The following CIBAR1 variants were observed in gnomAD, a reference collection of about 807,000 sequenced individuals.
CIBAR1 encodes CBY1-interacting BAR domain-containing protein 1.
In CIBAR1, 25 loss-of-function variants were observed where a neutral mutation model predicts 44.0. The ratio of observed to expected loss-of-function variants is 0.57; its 90% confidence interval spans 0.41 to 0.79. CIBAR1 has a LOEUF of 0.79. CIBAR1 is among the 30% of genes least tolerant of loss of function. The pLI, the probability that CIBAR1 is intolerant of heterozygous loss-of-function variation, is 0.00. For missense variants in CIBAR1, 278 were observed against 344.8 expected, an observed-to-expected ratio of 0.81 and a Z score of 1.53; for synonymous variants, 115 against 119.0, an observed-to-expected ratio of 0.97 and a Z score of 0.22.
intron 7 of CIBAR1, among the ~76,000 whole-genome samples, chr8:93,720,547 T>G (rs1811223803): frequency 6.6e-6 from 1 of 152,142 alleles, no homozygotes; most frequent in Non-Finnish European, 1.5e-5. Context: ...TTTCTTAACT[T>G]TCACTCCTTT....
intron 7 of CIBAR1, chr8:93,720,908 T>A (rs956224875): frequency 3.9e-5 from 6 of 152,328 alleles, no homozygotes; most frequent in African/African-American, 1.4e-4. Flanking sequence ...ATCTGTCATT[T>A]ATAAAATAAT....
chr8:93,702,222 C>T lies in CIBAR1; in HGVS notation c.261+764C>T, dbSNP rs74824060. The T allele has an allele frequency of 8.4e-5, 35 of 415,300 alleles. No homozygotes were observed. In the East Asian group the frequency reaches 2.3e-3, roughly 28 times the overall value. The allele number at this position is 415,300 out of a possible 1,614,324, so 25.7% of individuals were successfully genotyped here. A position where few individuals can be genotyped will look rare whatever the true frequency, so the allele number is the denominator to read the frequency against. ...CAGAATGAGTATAAAAAAAATTGAACTCATCATTGCTATCCATACAAATTT... is the reference window on the plus strand; with the variant it reads ...CAGAATGAGTATAAAAAAAATTGAATTCATCATTGCTATCCATACAAATTT... On this transcript the variant is annotated intron_variant, in intron 2 of 8. Coordinates refer to ENST00000518322, the MANE Select transcript of CIBAR1 (RefSeq NM_145269.5).
intron 6 of CIBAR1, among the ~76,000 whole-genome samples, chr8:93,714,645 C>A (rs960304797): frequency 6.6e-6 from 1 of 151,984 alleles, no homozygotes; most frequent in East Asian, 1.9e-4. Flanking sequence ...ATTATAGCCC[C>A]CTTACTTTTT....
chr8:93,728,448 G>T lies in CIBAR1; in HGVS notation c.*151G>T, dbSNP rs1811643278. 3.9e-6 allele frequency: 2 copies of T among 514,060 alleles called. No homozygotes were observed. Among genetic ancestry groups the T allele is most frequent in the African/African-American group, 2.0e-5 (1 of 49,250 alleles). The allele number at this position is 514,060 out of a possible 1,614,324, so 31.8% of individuals were successfully genotyped here. A position where few individuals can be genotyped will look rare whatever the true frequency, so the allele number is the denominator to read the frequency against. On this transcript the variant is annotated 3_prime_UTR_variant, in exon 9 of 9. Transcript: ENST00000518322. ...AAGGAAACTTATGCTGACCAAAAAT[G>T]AAGGCTTTAAAAAATATTGCATACC... is the stretch of plus-strand genomic sequence containing the variant.
Position 93,728,668 on chromosome 8 carries a change from A to C in CIBAR1, c.*371A>C, listed in dbSNP as rs1811659142. On this transcript the variant is annotated 3_prime_UTR_variant, in exon 9 of 9. Coordinates refer to ENST00000518322, the MANE Select transcript of CIBAR1 (RefSeq NM_145269.5). Reference sequence around the variant, plus strand: ...GTTAAGACTCCATGCTTTCATTACCAGAAAAGGGTCTTACGTAGTCATTAT... The same window carrying C: ...GTTAAGACTCCATGCTTTCATTACCCGAAAAGGGTCTTACGTAGTCATTAT... The C allele has an allele frequency of 6.4e-6, 1 of 156,068 alleles. No homozygotes were observed. The highest frequency in any genetic ancestry group is 1.4e-5 in the Non-Finnish European group (1 of 70,854). The allele number at this position is 156,068 out of a possible 1,614,324, so 9.7% of individuals were successfully genotyped here.
At position 93,729,247 on chromosome 8, in the gene CIBAR1, C is replaced by T. The variant is rs1811690004; in HGVS notation, c.*950C>T. On this transcript the variant is annotated 3_prime_UTR_variant, in exon 9 of 9. Transcript: ENST00000518322. The stretch of plus-strand genomic sequence containing the variant: ...AGAAAAATAAAGACTTTCTAGAAAG[C>T]TTCTGACTTTGTCAATCATGGCTCT... 6.6e-6 allele frequency: 1 copy of T among 152,020 alleles called. No homozygotes were observed. Among genetic ancestry groups the T allele is most frequent in the African/African-American group, 2.4e-5 (1 of 41,416 alleles). The allele number at this position is 152,020 out of a possible 1,614,324, so 9.4% of individuals were successfully genotyped here.
rs1041650479 is a variant in CIBAR1, at chr8:93,701,356, T to C, written c.159T>C (p.Asn53=). ...GAGACAAAGCAGACCTCCTGGTGAA[T>C]GAAATTAACGCGTATGCTGCTACAG... The part of the protein sequence containing the change: ...RLRDKADLLV[N]EINAYAATET... Residue 53 remains asparagine, a synonymous_variant, in exon 2 of 9, where the codon AAT becomes AAC. Coordinates refer to ENST00000518322, the MANE Select transcript of CIBAR1 (RefSeq NM_145269.5). The C allele has an allele frequency of 1.2e-6, 2 of 1,613,784 alleles. No individual in the cohort carries two copies. Among genetic ancestry groups the C allele is most frequent in the East Asian group, 4.5e-5 (2 of 44,858 alleles).
intron 6 of CIBAR1, among the ~76,000 whole-genome samples, chr8:93,718,455 G>A (rs1811115704): frequency 6.6e-6 from 1 of 152,172 alleles, no homozygotes; most frequent in African/African-American, 2.4e-5. Context: ...TAAGAGGGAA[G>A]TGGATGGTGA....
chr8:93,717,801 A>G (rs191867451), intron 6 of CIBAR1, among the ~76,000 whole-genome samples: 1 of 152,268 alleles, frequency 6.6e-6, no homozygotes, highest in East Asian at 1.9e-4. Context: ...ATTTTGTTAT[A>G]ATTAACAAAA....
intron 2 of CIBAR1, chr8:93,702,185 A>G (rs1338373033): frequency 2.5e-6 from 1 of 396,512 alleles, no homozygotes; most frequent in African/African-American, 2.1e-5. Context: ...GGGAATTTCA[A>G]TTTTCAAAAA....
At chr8:93,706,341 G>A (rs1416347869) in intron 4 of CIBAR1, 1 of 124,556 alleles carries the variant, frequency 8.0e-6, no homozygotes, top group Non-Finnish European at 1.6e-5. Context: ...TTTTAAGCAA[G>A]TCAGACAAAC....
At chr8:93,714,341 T>A (rs539294361) in intron 6 of CIBAR1, among the ~76,000 whole-genome samples, 2 of 152,318 alleles carry the variant, frequency 1.3e-5, no homozygotes, top group South Asian at 4.1e-4. Flanking sequence ...TGATTATTAG[T>A]TCTAATAGTT....
rs771580568 is a variant in CIBAR1, at chr8:93,703,616, A to G, written c.262-4A>G. 6.6e-6 allele frequency: 10 copies of G among 1,513,156 alleles called. No homozygotes were observed. The Admixed American group carries it at 1.3e-4, about 20-fold the overall frequency. 93.7% of individuals were successfully genotyped at this position (1,513,156 alleles called of 1,614,324 possible). On this transcript the variant is annotated splice_region_variant and splice_polypyrimidine_tract_variant and intron_variant, in intron 2 of 8. Transcript: ENST00000518322. Reference sequence around the variant, plus strand: ...TAATTTAAAATTTTAATAATTTTCAATAGGTTGAAAGACTTGAAGCCAAAG... The same window carrying G: ...TAATTTAAAATTTTAATAATTTTCAGTAGGTTGAAAGACTTGAAGCCAAAG...
At chr8:93,710,135 G>A (rs934147133) in intron 6 of CIBAR1, among the ~76,000 whole-genome samples, 2 of 151,908 alleles carry the variant, frequency 1.3e-5, no homozygotes, top group Admixed American at 1.3e-4. Flanking sequence ...AAACTAGCCA[G>A]GTGTGGTGGC....
In CIBAR1 at chr8:93,701,375, G is replaced by A; in HGVS notation, c.178G>A (p.Ala60Thr). 1 of 1,613,836 alleles carries A rather than the reference G, an allele frequency of 6.2e-7. No individual in the cohort carries two copies. The highest frequency in any genetic ancestry group is 8.5e-7 in the Non-Finnish European group (1 of 1,179,860). Residue 60 changes from alanine (A) to threonine (T), a missense_variant, in exon 2 of 9, where the codon GCT becomes ACT. By Grantham distance (58) the Ala-to-Thr change is moderately conservative. This residue lies in a region of CIBAR1 where 183 missense variants were observed against 218.6 expected (regional missense o/e 0.84). Transcript: ENST00000518322. ...GGTGAATGAAATTAACGCGTATGCT[G>A]CTACAGAGACCCCGCATTTAAAGCT... The part of the protein sequence containing the change: ...LLVNEINAYA[A>T]TETPHLKLGL...
chr8:93,704,943 G>A lies in CIBAR1; in HGVS notation c.365G>A (p.Arg122Gln), dbSNP rs761322248. The A allele has an allele frequency of 1.1e-5, 18 of 1,610,782 alleles. No homozygotes were observed. The highest frequency in any genetic ancestry group is 3.4e-4 in the Middle Eastern group (2 of 5,844). ...AAAGCAACACTCACAGCAAGGAATC[G>A]AGAAGCTAAGCAATTAACTCAGTTA... ...DLKATLTARN[R>Q]EAKQLTQLER... Residue 122 changes from arginine to glutamine, a missense_variant, in exon 4 of 9, where the codon CGA (arginine) becomes CAA (glutamine). Transcript: ENST00000518322.
At chr8:93,710,284 C>G (rs1011268226) in intron 6 of CIBAR1, among the ~76,000 whole-genome samples, 1 of 151,650 alleles carries the variant, frequency 6.6e-6, no homozygotes, top group African/African-American at 2.4e-5. Context: ...CAGACCCTGC[C>G]CACCCCACCC....
chr8:93,709,687 A>C, intron 5 of CIBAR1, 84 bp from the exon 6 acceptor site: 1 of 1,073,724 alleles, frequency 9.3e-7, no homozygotes, highest in Non-Finnish European at 1.4e-6. Context: ...CCAGTACTGC[A>C]ATGGTAGAAT....
In CIBAR1 at chr8:93,729,491, C is replaced by G. The variant is rs1429709477; in HGVS notation, c.*1194C>G. The G allele has an allele frequency of 6.6e-6, 1 of 152,148 alleles. No homozygotes were observed. Among genetic ancestry groups the G allele is most frequent in the Non-Finnish European group, 1.5e-5 (1 of 68,002 alleles). The allele number at this position is 152,148 out of a possible 1,614,324, so 9.4% of individuals were successfully genotyped here. On this transcript the variant is annotated 3_prime_UTR_variant, in exon 9 of 9. Coordinates refer to ENST00000518322, the MANE Select transcript of CIBAR1 (RefSeq NM_145269.5). ...TATTATTTTGCTGCTTACTAAATAG[C>G]AACTTCTCTTGAGCATTATTTGCCT...
Sources: allele counts gnomAD v4.1 joint callset (sites outside exome capture counted in the v4.1 genomes callset), GRCh38; gene constraint gnomAD v4.1.1; regional missense constraint gnomAD v4.1.1; transcripts MANE v1.5; gene names NCBI Gene and HGNC (gene_info 2026-07-23, HGNC 2026-07-21).